Variants in CHD8 observed in about 807,000 individuals in gnomAD.
CHD8 encodes the protein ATP-dependent chromatin remodeler CHD8.
A neutral mutation model predicts 279.2 loss-of-function variants in CHD8; 31 were observed. The ratio of observed to expected loss-of-function variants is 0.11; its 90% CI spans 0.08 to 0.15. The LOEUF (loss-of-function observed/expected upper bound fraction) is 0.15. Among genes scored for constraint, CHD8 ranks in the 10% least tolerant of loss-of-function variants. The pLI is 1.00. For synonymous variants in CHD8, 1,081 were observed against 1,139.6 expected, an observed-to-expected ratio of 0.95 and a Z score of 1.04; for missense variants, 2,146 against 3,230.5, an observed-to-expected ratio of 0.66 and a Z score of 8.14.
chr14:21,427,061 G>A (rs543994415), intron 4 of CHD8: 3 of 152,322 alleles, frequency 2.0e-5, no homozygotes, highest in African/African-American at 7.2e-5. Context: ...TCTTTCCTGT[G>A]CCTTCGTGTT....
At position 21,431,196 on chromosome 14, in the gene CHD8, C is replaced by G; in HGVS notation, c.448G>C (p.Gly150Arg). The G allele has an allele frequency of 6.3e-7, 1 of 1,599,148 alleles. No individual in the cohort carries two copies. The highest frequency in any genetic ancestry group is 8.5e-7 in the Non-Finnish European group (1 of 1,179,674). ...TTAGGGGCTGACTGAGGTGGCTGCC[C>G]TCCAGCACTACTGGAGGAGACAGCT... The part of the protein sequence containing the change: ...ATAVSSSSAG[G>R]QPPQSAPKIV... Residue 150 changes from glycine to arginine, a missense_variant, in exon 2 of 38, where the codon GGG becomes CGG. By Grantham distance (125) the Gly-to-Arg change is moderately radical. Coordinates refer to ENST00000646647, the MANE Select transcript of CHD8 (RefSeq NM_001170629.2).
chr14:21,387,009 ACTC>A (rs1390444018), intron 37 of CHD8, among the ~76,000 whole-genome samples: 1 of 152,178 alleles, frequency 6.6e-6, no homozygotes, highest in African/African-American at 2.4e-5. Flanking sequence ...ACTGTCAGAA[ACTC>A]CTCACTAAAT....
rs1325708394 is a variant in CHD8, at chr14:21,392,648, G to A, written c.6630C>T (p.Asp2210=). The A allele has an allele frequency of 6.2e-7, 1 of 1,613,900 alleles. No individual in the cohort carries two copies. Among genetic ancestry groups the A allele is most frequent in the Non-Finnish European group, 8.5e-7 (1 of 1,179,906 alleles). ...TACTTCGTGGTGTGGGGACTGGAGA[G>A]TCACCATATTCTCCAGGAGTCAATG... ...SPSLTPGEYG[D]SPVPTPRSSS... The change falls in exon 34 of 38, where the codon GAC becomes GAT. Residue 2210 remains aspartate, a synonymous_variant. Transcript: ENST00000646647.
Position 21,408,853 on chromosome 14 carries a change from G to A in CHD8, c.2365-28C>T. On this transcript the variant is annotated intron_variant, in intron 11 of 37. Coordinates refer to ENST00000646647, the MANE Select transcript of CHD8 (RefSeq NM_001170629.2). The surrounding 1 kb of genome is among the most constrained non-coding windows in gnomAD (Gnocchi z 4.3). ...AAAAAACAAGACGTTTGAATAAATGGAGTGGAGACATTATCAAAAGGTAAG... is the reference window on the plus strand; with the variant it reads ...AAAAAACAAGACGTTTGAATAAATGAAGTGGAGACATTATCAAAAGGTAAG... 1.3e-6 allele frequency: 2 copies of A among 1,591,728 alleles called. No homozygotes were observed. Among genetic ancestry groups the A allele is most frequent in the Non-Finnish European group, 1.7e-6 (2 of 1,168,468 alleles).
intron 34 of CHD8, chr14:21,392,214 C>A (rs1287472023): frequency 2.7e-6 from 2 of 754,116 alleles, no homozygotes; most frequent in Admixed American, 1.7e-5. Context: ...AAACTCCCTA[C>A]CTGGTGTCTC....
chr14:21,431,129 C>T lies in CHD8; in HGVS notation c.515G>A (p.Gly172Asp). The change falls in exon 2 of 38, where the codon GGT becomes GAT. Residue 172 changes from glycine (G) to aspartate (D), a missense_variant. This residue lies in a region of CHD8 where 302 missense variants were observed against 325.5 expected (regional missense o/e 0.93). Coordinates refer to ENST00000646647, the MANE Select transcript of CHD8 (RefSeq NM_001170629.2). ...LKAPPSSSVT[G>D]AHVAQIQAQG... ...GGCCTGAATTTGTGCCACATGGGCA[C>T]CAGTGACTGAGGAGCTTGGTGGGGC... 6.3e-7 allele frequency: 1 copy of T among 1,599,080 alleles called. No individual in the cohort carries two copies. Among genetic ancestry groups the T allele is most frequent in the Non-Finnish European group, 8.5e-7 (1 of 1,179,620 alleles).
intron 5 of CHD8, among the ~76,000 whole-genome samples, chr14:21,418,764 G>A (rs893805485): frequency 3.9e-5 from 6 of 152,112 alleles, no homozygotes; most frequent in Non-Finnish European, 5.9e-5. Context: ...TGCAGGGAGC[G>A]GAGATCGCGC....
At chr14:21,446,177 G>A (rs1890115545) in intron 1 of CHD8, among the ~76,000 whole-genome samples, 1 of 152,186 alleles carries the variant, frequency 6.6e-6, no homozygotes, top group Admixed American at 6.5e-5. Context: ...GGGTAACACA[G>A]CGAGATTCCG....
chr14:21,399,087 A>C, intron 26 of CHD8: 1 of 320,290 alleles, frequency 3.1e-6, no homozygotes. Flanking sequence ...GGATGGCCGT[A>C]CTCTTTCAGA....
intron 1 of CHD8, among the ~76,000 whole-genome samples, chr14:21,435,808 T>C (rs1204203272): frequency 6.6e-6 from 1 of 152,192 alleles, no homozygotes; most frequent in African/African-American, 2.4e-5. Flanking sequence ...TCTTGGCCAG[T>C]GAAGATCTGT....
chr14:21,405,504 G>A lies in CHD8; in HGVS notation c.3052-40C>T, dbSNP rs1356736876. The A allele has an allele frequency of 6.3e-7, 1 of 1,588,312 alleles. No homozygotes were observed. The highest frequency in any genetic ancestry group is 8.6e-7 in the Non-Finnish European group (1 of 1,167,262). On this transcript the variant is annotated intron_variant, in intron 15 of 37. Coordinates refer to ENST00000646647, the MANE Select transcript of CHD8 (RefSeq NM_001170629.2). This position sits in a 1 kb window ranked among gnomAD's most constrained non-coding sequence, Gnocchi z 4.2. ...AGAGAGAAAAATAAATCAATAAGAT[G>A]AGGGCGAACATTCTCACATTATGTA...
intron 1 of CHD8, among the ~76,000 whole-genome samples, chr14:21,438,900 G>A (rs1889886274): frequency 6.6e-6 from 1 of 152,004 alleles, no homozygotes; most frequent in African/African-American, 2.4e-5. Flanking sequence ...GCCAAGGTGG[G>A]CAGATCACTT....
At chr14:21,411,692 A>G (rs930369442) in intron 10 of CHD8, among the ~76,000 whole-genome samples, 2 of 152,244 alleles carry the variant, frequency 1.3e-5, no homozygotes, top group Admixed American at 6.5e-5. Context: ...GATGGTTTAT[A>G]GCCTAAAAAA....
At chr14:21,429,560 G>C (rs1407596279) in intron 2 of CHD8, 2 of 664,400 alleles carry the variant, frequency 3.0e-6, no homozygotes, top group Non-Finnish European at 5.6e-6. Flanking sequence ...GCTATTCACA[G>C]GCACAACACT....
chr14:21,440,962 C>T (rs1442255324), intron 1 of CHD8, among the ~76,000 whole-genome samples: 1 of 152,158 alleles, frequency 6.6e-6, no homozygotes, highest in South Asian at 2.1e-4. Flanking sequence ...CCAAAAGGCC[C>T]CTTCCTATAT....
rs141397644 is a variant in CHD8, at chr14:21,406,030, CCT to C, written c.2908-168_2908-167del. Among the ~76,000 whole-genome samples the C allele has an allele frequency of 0.016, 2,464 of 152,106 alleles. 62 individuals carry two copies. The highest frequency in any genetic ancestry group is 0.057 in the African/African-American group (2,365 of 41,478). On this transcript the variant is annotated intron_variant, in intron 14 of 37. Coordinates refer to ENST00000646647, the MANE Select transcript of CHD8 (RefSeq NM_001170629.2). ...CCATTAATTTTTCTTCCATTTGTCC[CCT>C]CTTTCGATAAACACAAAGCATTCAA...
At chr14:21,407,603 C>A (rs1015252571) in intron 13 of CHD8, among the ~76,000 whole-genome samples, 6 of 152,002 alleles carry the variant, frequency 3.9e-5, no homozygotes, top group African/African-American at 1.4e-4. Flanking sequence ...GAAAAAGGAA[C>A]TGATCCTTTT....
At chr14:21,436,047 C>T (rs919856054) in intron 1 of CHD8, among the ~76,000 whole-genome samples, 8 of 152,190 alleles carry the variant, frequency 5.3e-5, no homozygotes, top group African/African-American at 1.9e-4. Context: ...TAGATTTCTC[C>T]GTAGTGACAA....
At chr14:21,407,859 T>G (rs1888319915) in intron 13 of CHD8, among the ~76,000 whole-genome samples, 1 of 152,048 alleles carries the variant, frequency 6.6e-6, no homozygotes, top group South Asian at 2.1e-4. Context: ...TAAGCCCACC[T>G]CGGCCTCCCA....
Sources: gnomAD v4.1 joint callset for allele counts (sites outside exome capture counted in the v4.1 genomes callset) on GRCh38, gnomAD v4.1.1 for gene constraint, gnomAD v4.1.1 regional missense constraint, Gnocchi (gnomAD v3.1) non-coding constraint, MANE v1.5 for transcripts, NCBI Gene and HGNC (gene_info 2026-07-23, HGNC 2026-07-21) for gene names.